NFIB: variants seen among roughly 807,000 people sequenced by gnomAD.
NFIB encodes nuclear factor I B.
In NFIB, 11 loss-of-function variants were observed where a neutral mutation model predicts 61.5. That is an observed-to-expected ratio of 0.18 (90% confidence interval 0.11 to 0.30). The LOEUF (loss-of-function observed/expected upper bound fraction) is 0.30. Among genes scored for constraint, NFIB ranks in the 10% least tolerant of loss-of-function variants. The pLI is 1.00. For missense variants in NFIB, 471 were observed against 608.9 expected (o/e 0.77, Z 2.38); for synonymous variants, 260 against 216.5 (o/e 1.20, Z -1.76).
chr9:14,475,331 T>C, the NFIB span, among the ~76,000 whole-genome samples: 2 of 152,120 alleles, frequency 1.3e-5, no homozygotes, highest in African/African-American at 4.8e-5. Flanking sequence ...AAGAAACAAA[T>C]GCAAAATAGG....
intron 2 of NFIB, among the ~76,000 whole-genome samples, chr9:14,217,389 G>A (rs551291433): frequency 9.2e-5 from 14 of 151,978 alleles, no homozygotes; most frequent in South Asian, 8.3e-4. Context: ...GGCTGGGCGC[G>A]GTGGCTCACG....
chr9:14,528,292 T>C, the NFIB span, among the ~76,000 whole-genome samples: 1 of 152,192 alleles, frequency 6.6e-6, no homozygotes, highest in Non-Finnish European at 1.5e-5. Flanking sequence ...TTTATTAACA[T>C]TGTCTTAAAC....
intron 1 of NFIB, among the ~76,000 whole-genome samples, chr9:14,392,849 ATTGG>A: frequency 6.6e-6 from 1 of 152,372 alleles, no homozygotes; most frequent in Middle Eastern, 3.4e-3. Context: ...GGCAACTATT[ATTGG>A]TTAGCATTAT....
chr9:14,490,829 T>C, the NFIB span, among the ~76,000 whole-genome samples: 1 of 152,220 alleles, frequency 6.6e-6, no homozygotes, highest in Non-Finnish European at 1.5e-5. Context: ...TGTACACCAC[T>C]ACTTTGGAAA....
chr9:14,485,281 T>C, the NFIB span, among the ~76,000 whole-genome samples: 1 of 152,328 alleles, frequency 6.6e-6, no homozygotes, highest in Admixed American at 6.5e-5. Flanking sequence ...CCATAGGTAG[T>C]TCTTGGGTTG....
the NFIB span, among the ~76,000 whole-genome samples, chr9:14,495,021 A>T: frequency 6.6e-6 from 1 of 152,194 alleles, no homozygotes; most frequent in Non-Finnish European, 1.5e-5. Flanking sequence ...CATGTTCTTA[A>T]GTCTTTAATT....
At chr9:14,493,593 T>A in the NFIB span, among the ~76,000 whole-genome samples, 9 of 152,210 alleles carry the variant, frequency 5.9e-5, no homozygotes, top group Non-Finnish European at 1.2e-4. Context: ...TTGCTTCATC[T>A]GTTCAATGCT....
the NFIB span, among the ~76,000 whole-genome samples, chr9:14,481,181 G>C: frequency 3.9e-5 from 2 of 51,008 alleles, no homozygotes; most frequent in African/African-American, 2.3e-4. Flanking sequence ...AAAACTGAGT[G>C]TGTGTGTGTG....
At chr9:14,102,233 A>G (rs755551740) in intron 10 of NFIB, among the ~76,000 whole-genome samples, 9 of 152,200 alleles carry the variant, frequency 5.9e-5, no homozygotes, top group African/African-American at 1.7e-4. Flanking sequence ...AGCATATACT[A>G]TAGTCCCAAC....
intron 1 of NFIB, among the ~76,000 whole-genome samples, chr9:14,395,876 T>A: frequency 6.6e-6 from 1 of 150,672 alleles, no homozygotes. Flanking sequence ...ATGAAGGGAG[T>A]GTTCAGTTGA....
At chr9:14,474,609 G>C in the NFIB span, among the ~76,000 whole-genome samples, 2 of 152,100 alleles carry the variant, frequency 1.3e-5, no homozygotes, top group Non-Finnish European at 2.9e-5. Context: ...AATCTGATCT[G>C]GGTGGGACCT....
At chr9:14,273,078 G>C (rs2132345978) in intron 2 of NFIB, among the ~76,000 whole-genome samples, 1 of 152,246 alleles carries the variant, frequency 6.6e-6, no homozygotes, top group East Asian at 1.9e-4. Context: ...GGGCACGCCA[G>C]GGAGAAAGAA....
intron 1 of NFIB, among the ~76,000 whole-genome samples, chr9:14,310,822 AAG>A (rs970603597): frequency 6.6e-5 from 10 of 152,286 alleles, no homozygotes; most frequent in Admixed American, 2.0e-4. Flanking sequence ...TATAAAAATA[AAG>A]AGTCTTAATT....
chr9:14,372,988 G>C (rs187062995), intron 1 of NFIB, among the ~76,000 whole-genome samples: 1 of 152,052 alleles, frequency 6.6e-6, no homozygotes, highest in African/African-American at 2.4e-5. Context: ...GAACGGTGGT[G>C]GGGGGTGGGG....
the NFIB span, among the ~76,000 whole-genome samples, chr9:14,416,429 G>T: frequency 1.3e-5 from 2 of 151,962 alleles, no homozygotes; most frequent in South Asian, 4.2e-4. Flanking sequence ...AGAGGCGGAG[G>T]TGAAAGATAG....
chr9:14,492,783 T>C, the NFIB span, among the ~76,000 whole-genome samples: 3 of 152,182 alleles, frequency 2.0e-5, no homozygotes, highest in East Asian at 5.8e-4. Context: ...ACCCAAACCA[T>C]AGCAGGGAGG....
At chr9:14,155,789 C>T in intron 4 of NFIB, 36 bp downstream of exon 4, 1 of 1,285,996 alleles carries the variant, frequency 7.8e-7, no homozygotes, top group South Asian at 1.3e-5. Context: ...TTAAATCATA[C>T]TGCATGCTTA....
chr9:14,348,073 C>T (rs1003920889), intron 1 of NFIB, among the ~76,000 whole-genome samples: 1 of 152,202 alleles, frequency 6.6e-6, no homozygotes. Flanking sequence ...GGGGGCGGAA[C>T]GAAGTCGCCC....
the NFIB span, among the ~76,000 whole-genome samples, chr9:14,519,660 G>C: frequency 6.6e-6 from 1 of 152,114 alleles, no homozygotes; most frequent in Admixed American, 6.5e-5. Flanking sequence ...ATTACTATTA[G>C]CATGAGGACC....
Sources: allele counts gnomAD v4.1 joint callset (sites outside exome capture counted in the v4.1 genomes callset), GRCh38; gene constraint gnomAD v4.1.1; transcripts MANE v1.5; gene names NCBI Gene and HGNC (gene_info 2026-07-23, HGNC 2026-07-21).